ITGA7: variants seen among roughly 807,000 people sequenced by gnomAD.
ITGA7 encodes the protein integrin subunit alpha 7.
A neutral mutation model predicts 131.6 loss-of-function variants in ITGA7; 84 were observed. That is an observed-to-expected ratio of 0.64 (90% CI 0.54 to 0.77). The LOEUF (loss-of-function observed/expected upper bound fraction) is 0.77, where lower values mean the gene tolerates loss of function less well. Among genes scored for constraint, ITGA7 ranks in the 30% least tolerant of loss-of-function variants. The pLI is 0.00. For synonymous variants in ITGA7, 548 were observed against 600.7 expected (o/e 0.91, Z 1.28); for missense variants, 1,399 against 1,482.9 (o/e 0.94, Z 0.93).
At position 55,697,365 on chromosome 12, in the gene ITGA7, C is replaced by T. The variant is rs80032534; in HGVS notation, c.1505+86G>A. 4,055 of 1,578,628 alleles carry T rather than the reference C, an allele frequency of 2.6e-3. 90 individuals carry two copies. The African/African-American group carries it at 0.046, about 18-fold the overall frequency. ...CCCCATCTGTCACATCCTGTCACAG[C>T]CCCAGCCCCAAACTGGGGAGATAAA... On this transcript the variant is annotated intron_variant, in intron 10 of 24. Transcript: ENST00000257879.
Position 55,700,996 on chromosome 12 carries a change from A to G in ITGA7, c.573T>C (p.His191=), listed in dbSNP as rs762653235. The G allele has an allele frequency of 4.3e-6, 7 of 1,614,238 alleles. No homozygotes were observed. In the South Asian group the frequency reaches 7.7e-5, roughly 18 times the overall value. Reference sequence around the variant, plus strand: ...CCTGCTGGCAGAACCCAAATTGTTCATGGCCTTGGGGGCGTCCCTCACAGA... The same window carrying G: ...CCTGCTGGCAGAACCCAAATTGTTCGTGGCCTTGGGGGCGTCCCTCACAGA... ...WKFCEGRPQG[H]EQFGFCQQGT... The change falls in exon 4 of 25, where the codon CAT becomes CAC. Residue 191 remains histidine (H), a synonymous_variant. Coordinates refer to ENST00000257879, the MANE Select transcript of ITGA7 (RefSeq NM_002206.3).
In ITGA7 at chr12:55,707,820, G is replaced by GGCCCGAC; in HGVS notation, c.-139_-138insGTCGGGC. ...CGTCTCCCAGACGTTCGCCCCGCCAGCCCTCCCGCCCGCCCGCCGCTCCGC... is the reference window on the plus strand; with the variant it reads ...CGTCTCCCAGACGTTCGCCCCGCCAGGCCCGACCCCTCCCGCCCGCCCGCCGCTCCGC... On this transcript the variant is annotated 5_prime_UTR_variant, in exon 1 of 25. Transcript: ENST00000257879. 2.7e-6 allele frequency: 4 copies of GGCCCGAC among 1,455,760 alleles called. No homozygotes were observed. The highest frequency in any genetic ancestry group is 3.6e-6 in the Non-Finnish European group (4 of 1,102,472). The allele number at this position is 1,455,760 out of a possible 1,614,324, so 90.2% of individuals were successfully genotyped here.
At chr12:55,690,324 T>C (rs1342888538) in intron 21 of ITGA7, among the ~76,000 whole-genome samples, 1 of 151,970 alleles carries the variant, frequency 6.6e-6, no homozygotes, top group Non-Finnish European at 1.5e-5. Flanking sequence ...CATGAACAGA[T>C]ACTTCTCAAA....
At position 55,699,894 on chromosome 12, in the gene ITGA7, C is replaced by G. The variant is rs1207777244; in HGVS notation, c.766G>C (p.Asp256His). Reference protein sequence around the residue: ...PADRLPGPAGDLALNSYLGFS... With the variant: ...PADRLPGPAGHLALNSYLGFS... ...CCTAAGTAGCTATTGAGGGCCAAGT[C>G]TCCGGCTGGTCCTGGGAGCCGGTCA... The change falls in exon 5 of 25, where the codon GAC becomes CAC. Residue 256 changes from aspartate (D) to histidine (H), a missense_variant. Transcript: ENST00000257879. The G allele has an allele frequency of 1.9e-6, 3 of 1,611,522 alleles. No individual in the cohort carries two copies. The South Asian group carries it at 3.3e-5, about 18-fold the overall frequency.
intron 21 of ITGA7, among the ~76,000 whole-genome samples, 190 bp from the exon 22 acceptor site, chr12:55,689,147 G>C (rs111934963): frequency 7.2e-4 from 109 of 152,350 alleles, no homozygotes; most frequent in African/African-American, 2.5e-3. Context: ...GGAGGGGGCA[G>C]CATGGAAGGG....
intron 1 of ITGA7, among the ~76,000 whole-genome samples, chr12:55,706,535 G>GT (rs1299123293): frequency 2.0e-5 from 3 of 152,146 alleles, no homozygotes; most frequent in Non-Finnish European, 4.4e-5. Context: ...CCCCCTAGCA[G>GT]GAGCAGGTGA....
rs775224804 is a variant in ITGA7, at chr12:55,701,091, T to A, written c.478A>T (p.Ile160Phe). The A allele has an allele frequency of 6.2e-7, 1 of 1,614,178 alleles. No individual in the cohort carries two copies. Among genetic ancestry groups the A allele is most frequent in the Non-Finnish European group, 8.5e-7 (1 of 1,180,034 alleles). ...TGGCTGAGCACAAAGCAGCGACCAA[T>A]CATATCCCGCGTCTCCAGGATCTGG... Reference protein sequence around the residue: ...VDQILETRDMIGRCFVLSQDL... With the variant: ...VDQILETRDMFGRCFVLSQDL... Residue 160 changes from isoleucine (I) to phenylalanine (F), a missense_variant, in exon 4 of 25, where the codon ATT (isoleucine) becomes TTT (phenylalanine). By Grantham distance (21) the Ile-to-Phe change is conservative. Transcript: ENST00000257879.
At chr12:55,700,245 C>T (rs201968301) in intron 4 of ITGA7, 43 of 1,595,270 alleles carry the variant, frequency 2.7e-5, no homozygotes, top group South Asian at 9.0e-5. Flanking sequence ...AGTTCTGGGC[C>T]GGGGAGAGGT....
At chr12:55,703,014 C>T (rs1252340567) in intron 2 of ITGA7, 37 bp downstream of exon 2, 2 of 1,613,922 alleles carry the variant, frequency 1.2e-6, no homozygotes, top group South Asian at 2.2e-5. Flanking sequence ...CCTCCCCGCT[C>T]ACACGCTTCC....
chr12:55,707,441 C>T, intron 1 of ITGA7, 36 bp downstream of exon 1: 4 of 1,550,212 alleles, frequency 2.6e-6, no homozygotes, highest in Non-Finnish European at 3.6e-6. Context: ...ATCTGTGGCT[C>T]GGGCATGGCG....
At position 55,696,379 on chromosome 12, in the gene ITGA7, G is replaced by A. The variant is rs1436850218; in HGVS notation, c.1791C>T (p.Leu597=). The A allele has an allele frequency of 1.3e-6, 2 of 1,598,072 alleles. No individual in the cohort carries two copies. Among genetic ancestry groups the A allele is most frequent in the Non-Finnish European group, 1.7e-6 (2 of 1,171,124 alleles). ...CCTGTCGCCGGAGCCGAGGGGTCTGGAGACTGTAGGACAAGGTCACTACAA... is the reference window on the plus strand; with the variant it reads ...CCTGTCGCCGGAGCCGAGGGGTCTGAAGACTGTAGGACAAGGTCACTACAA... ...RAIVVTLSYS[L]QTPRLRRQAP... is the part of the protein sequence containing the mutation. Residue 597 remains leucine (L), a synonymous_variant, in exon 13 of 25, where the codon CTC becomes CTT. Coordinates refer to ENST00000257879, the MANE Select transcript of ITGA7 (RefSeq NM_002206.3).
In ITGA7 at chr12:55,694,915, G is replaced by T. The variant is rs1465867726; in HGVS notation, c.2059C>A (p.Leu687Met). Residue 687 changes from leucine to methionine, a missense_variant, in exon 15 of 25, where the codon CTG becomes ATG. Transcript: ENST00000257879. The surrounding 1 kb of genome is among the most constrained non-coding windows in gnomAD (Gnocchi z 5.3). ...FALSGQPVIG[L>M]ELMVTNLPSD... Reference sequence around the variant, plus strand: ...GGCAGGTTGGTGACCATCAGCTCCAGGCCAATGACTGGCTGCCCACTCAGT... The same window carrying T: ...GGCAGGTTGGTGACCATCAGCTCCATGCCAATGACTGGCTGCCCACTCAGT... 6.2e-7 allele frequency: 1 copy of T among 1,614,014 alleles called. No homozygotes were observed.
intron 4 of ITGA7, 142 bp from the exon 5 acceptor site, chr12:55,700,131 C>A: frequency 7.1e-7 from 1 of 1,413,462 alleles, no homozygotes; most frequent in Non-Finnish European, 9.7e-7. Context: ...AGATCACAGC[C>A]AGAGACAGAA....
chr12:55,711,431 T>G (rs1186554204), upstream of ITGA7, among the ~76,000 whole-genome samples: 3 of 150,214 alleles, frequency 2.0e-5, 1 homozygote, highest in South Asian at 4.2e-4. Flanking sequence ...TGAGCAGAGA[T>G]AGCACCACTG....
At chr12:55,699,083 C>T (rs1238914593) in intron 5 of ITGA7, among the ~76,000 whole-genome samples, 166 bp from the exon 6 acceptor site, 14 of 151,950 alleles carry the variant, frequency 9.2e-5, no homozygotes, top group Admixed American at 7.9e-4. Context: ...GATAGGTCCC[C>T]CCAAGTCATC....
At chr12:55,699,709 C>A (rs1036292334) in intron 5 of ITGA7, 161 bp downstream of exon 5, 2 of 952,532 alleles carry the variant, frequency 2.1e-6, no homozygotes, top group Non-Finnish European at 3.2e-6. Context: ...TAGGCCTGAT[C>A]ATTGGACCCA....
chr12:55,697,140 T>C, intron 11 of ITGA7, 72 bp from the exon 12 acceptor site: 2 of 1,583,464 alleles, frequency 1.3e-6, no homozygotes, highest in Non-Finnish European at 1.7e-6. Flanking sequence ...CCAAGGGTGC[T>C]CTTCTACCAC....
chr12:55,702,828 C>T (rs1230012271), intron 3 of ITGA7, 44 bp downstream of exon 3: 1 of 1,536,396 alleles, frequency 6.5e-7, no homozygotes, highest in East Asian at 2.2e-5. Context: ...CACACACACA[C>T]ACACACCCCA....
rs11171661 is a variant in ITGA7 at position 55,701,164 on chromosome 12, G to A, written c.415-10C>T. 0.085 allele frequency: 137,081 copies of A among 1,613,994 alleles called. 6,764 individuals are homozygous for A. Among genetic ancestry groups the A allele is most frequent in the Non-Finnish European group, 0.1 (120,571 of 1,179,902 alleles). ...ATCGGTGTGCACAGGTCTGGGGGAG[G>A]AAGGGATGGGGATCATTTCACTCTG... is the stretch of plus-strand genomic sequence containing the variant. On this transcript the variant is annotated splice_polypyrimidine_tract_variant and intron_variant, in intron 3 of 24. Coordinates refer to ENST00000257879, the MANE Select transcript of ITGA7 (RefSeq NM_002206.3).
Sources: gnomAD v4.1 joint callset for allele counts (sites outside exome capture counted in the v4.1 genomes callset) on GRCh38, gnomAD v4.1.1 for gene constraint, Gnocchi (gnomAD v3.1) non-coding constraint, MANE v1.5 for transcripts, NCBI Gene and HGNC (gene_info 2026-07-23, HGNC 2026-07-21) for gene names.